RTN4IP1: variants seen among roughly 807,000 people sequenced by gnomAD.
RTN4IP1 encodes reticulon 4 interacting protein 1.
In RTN4IP1, 32 loss-of-function variants were observed where a neutral mutation model predicts 46.6. The ratio of observed to expected loss-of-function variants is 0.69; its 90% CI spans 0.52 to 0.92. RTN4IP1 has a LOEUF of 0.92. RTN4IP1 is among the 40% of genes least tolerant of loss of function. The probability of loss-of-function intolerance (pLI) is 0.00; values close to 1 mark genes in which losing one functional copy is unlikely to be tolerated. For synonymous variants in RTN4IP1, 167 were observed against 161.8 expected, an observed-to-expected ratio of 1.03 and a Z score of -0.24; for missense variants, 424 against 485.8, an observed-to-expected ratio of 0.87 and a Z score of 1.20.
chr6:106,585,455 T>C (rs930516763), intron 7 of RTN4IP1, among the ~76,000 whole-genome samples: 3 of 152,252 alleles, frequency 2.0e-5, no homozygotes, highest in Non-Finnish European at 4.4e-5. Context: ...TCTGGCTTCA[T>C]AGACTGCAAT....
At chr6:106,621,588 T>C (rs781079556) in intron 2 of RTN4IP1, 95 bp from the exon 3 acceptor site, 229 of 961,428 alleles carry the variant, frequency 2.4e-4, no homozygotes, top group Non-Finnish European at 1.7e-4. Flanking sequence ...TACCCTGTGC[T>C]GTGAAAAACA....
At chr6:106,602,748 G>T in intron 5 of RTN4IP1, 126 bp downstream of exon 5, 1 of 563,922 alleles carries the variant, frequency 1.8e-6, no homozygotes, top group Non-Finnish European at 3.0e-6. Context: ...TACAGAACAA[G>T]CTGAAATTAC....
At chr6:106,616,471 GT>G (rs200796995) in intron 4 of RTN4IP1, among the ~76,000 whole-genome samples, 3 of 150,284 alleles carry the variant, frequency 2.0e-5, no homozygotes, top group Admixed American at 1.3e-4. Context: ...TGTTAATTTT[GT>G]TTTTTTTTAA....
chr6:106,612,916 C>T (rs1776264320), intron 4 of RTN4IP1, among the ~76,000 whole-genome samples: 1 of 152,226 alleles, frequency 6.6e-6, no homozygotes, highest in South Asian at 2.1e-4. Context: ...CTTGTCCAAA[C>T]ATGCGCTCGC....
At chr6:106,628,271 G>C (rs866777079) in intron 1 of RTN4IP1, among the ~76,000 whole-genome samples, 5 of 151,974 alleles carry the variant, frequency 3.3e-5, no homozygotes, top group Middle Eastern at 3.4e-3. Context: ...TTCGAGACCA[G>C]CCTGACCAAC....
At chr6:106,626,640 T>A (rs902759662) in intron 1 of RTN4IP1, among the ~76,000 whole-genome samples, 1 of 152,206 alleles carries the variant, frequency 6.6e-6, no homozygotes, top group African/African-American at 2.4e-5. Context: ...CTTGGCTCAC[T>A]GTTACTATCT....
At chr6:106,613,135 C>CT (rs879538603) in intron 4 of RTN4IP1, among the ~76,000 whole-genome samples, 1 of 151,970 alleles carries the variant, frequency 6.6e-6, no homozygotes, top group Non-Finnish European at 1.5e-5. Flanking sequence ...ATCAGTCTTG[C>CT]TTTTTTCTCA....
chr6:106,604,277 A>G (rs1295690910), intron 4 of RTN4IP1, among the ~76,000 whole-genome samples: 1 of 152,180 alleles, frequency 6.6e-6, no homozygotes. Flanking sequence ...TTCCCTTTGA[A>G]ATTAAAACCA....
chr6:106,628,368 G>T (rs1189380152), intron 1 of RTN4IP1, among the ~76,000 whole-genome samples: 1 of 152,002 alleles, frequency 6.6e-6, no homozygotes, highest in Non-Finnish European at 1.5e-5. Context: ...TCGGGAGGCT[G>T]AGGCAGGAGA....
chr6:106,599,027 ATTTAT>A (rs146347176), intron 5 of RTN4IP1, among the ~76,000 whole-genome samples: 1,549 of 150,084 alleles, frequency 0.01, 34 homozygotes, highest in African/African-American at 0.036. Flanking sequence ...TCCTATTCTG[ATTTAT>A]TTTGTTTTTT....
chr6:106,611,168 G>A lies in RTN4IP1; in HGVS notation c.620+8034C>T, dbSNP rs544182730. On this transcript the variant is annotated intron_variant, in intron 4 of 8. Coordinates refer to ENST00000369063, the MANE Select transcript of RTN4IP1 (RefSeq NM_032730.5). ...CAAAAATCTCTGAATGCCAGGGCTG[G>A]GTATCTAGAGTCACGGGTTCAGGTT... is the stretch of plus-strand genomic sequence containing the variant. Among the ~76,000 whole-genome samples, 422 of 152,230 alleles carry A rather than the reference G, an allele frequency of 2.8e-3. 2 individuals carry two copies. Among genetic ancestry groups the A allele is most frequent in the African/African-American group, 9.9e-3 (411 of 41,534 alleles).
At chr6:106,575,268 G>A (rs529436614) in intron 8 of RTN4IP1, among the ~76,000 whole-genome samples, 23 of 152,304 alleles carry the variant, frequency 1.5e-4, no homozygotes, top group African/African-American at 4.8e-4. Context: ...GCAGACACAC[G>A]AGGCTCACAG....
At chr6:106,581,249 A>G (rs1753386278) in intron 8 of RTN4IP1, among the ~76,000 whole-genome samples, 1 of 152,210 alleles carries the variant, frequency 6.6e-6, no homozygotes, top group African/African-American at 2.4e-5. Context: ...AAGTATTTTA[A>G]AAGAGTTGGC....
chr6:106,619,805 G>A (rs1482175039), intron 3 of RTN4IP1, among the ~76,000 whole-genome samples: 5 of 151,504 alleles, frequency 3.3e-5, no homozygotes, highest in African/African-American at 1.2e-4. Flanking sequence ...TAGAGACAGG[G>A]TTTCACCGTG....
chr6:106,583,516 AAACT>A lies in RTN4IP1; in HGVS notation c.991-100_991-97del, dbSNP rs1380682508. On this transcript the variant is annotated intron_variant, in intron 7 of 8. Coordinates refer to ENST00000369063, the MANE Select transcript of RTN4IP1 (RefSeq NM_032730.5). ...AAAGCATTTTCTGGATGACTACAAC[AAACT>A]GATTTCTCATTTCATGCTGACAAAA... 11 of 933,282 alleles carry A rather than the reference AAACT, an allele frequency of 1.2e-5. No homozygotes were observed. In the African/African-American group the frequency reaches 1.3e-4, roughly 11 times the overall value. 57.8% of individuals were successfully genotyped at this position (933,282 alleles called of 1,614,324 possible). A position where few individuals can be genotyped will look rare whatever the true frequency, so the allele number is the denominator to read the frequency against.
chr6:106,619,354 A>G (rs1301450071), intron 3 of RTN4IP1, 28 bp from the exon 4 acceptor site: 2 of 1,613,568 alleles, frequency 1.2e-6, no homozygotes, highest in East Asian at 4.5e-5. Context: ...AGTCAAAAAT[A>G]AGCAATGACT....
At chr6:106,597,295 T>C (rs530057164) in intron 5 of RTN4IP1, among the ~76,000 whole-genome samples, 3 of 152,336 alleles carry the variant, frequency 2.0e-5, no homozygotes, top group East Asian at 3.9e-4. Context: ...TATCCATATA[T>C]CAATTTTCCT....
intron 5 of RTN4IP1, among the ~76,000 whole-genome samples, chr6:106,597,297 A>C (rs1016243656): frequency 2.6e-5 from 4 of 152,036 alleles, no homozygotes; most frequent in Non-Finnish European, 5.9e-5. Context: ...TCCATATATC[A>C]ATTTTCCTTG....
chr6:106,595,467 T>C (rs889318854), intron 5 of RTN4IP1, among the ~76,000 whole-genome samples: 1 of 151,718 alleles, frequency 6.6e-6, no homozygotes, highest in African/African-American at 2.4e-5. Context: ...CTAATTCTAC[T>C]TCTTTTATTT....
Sources: gnomAD v4.1 joint callset for allele counts (sites outside exome capture counted in the v4.1 genomes callset) on GRCh38, gnomAD v4.1.1 for gene constraint, MANE v1.5 for transcripts, NCBI Gene and HGNC (gene_info 2026-07-23, HGNC 2026-07-21) for gene names.